The following MEGF6 variants were observed in gnomAD, a reference collection of about 807,000 sequenced individuals.
The protein encoded by MEGF6 is multiple EGF like domains 6, also known as multiple epidermal growth factor-like domains protein 6.
A neutral mutation model predicts 207.1 loss-of-function variants in MEGF6; 184 were observed. The ratio of observed to expected loss-of-function variants is 0.89; its 90% CI spans 0.79 to 1.00. The LOEUF is 1.00. MEGF6 is among the 50% of genes least tolerant of loss of function. The pLI is 0.00. For missense variants in MEGF6, 2,282 were observed against 2,202.9 expected (o/e 1.04, Z -0.72); for synonymous variants, 1,038 against 910.0 (o/e 1.14, Z -2.53).
chr1:3,599,170 G>A (rs545645730), intron 2 of MEGF6, among the ~76,000 whole-genome samples: 3 of 152,368 alleles, frequency 2.0e-5, no homozygotes, highest in African/African-American at 7.2e-5. Flanking sequence ...CCAGCCTGGG[G>A]AGGGGGCTCA....
rs985355205 is a variant in MEGF6 at position 3,556,606 on chromosome 1, G to A, written c.481+23219C>T. ...CTGCAAATGAGAGGACAGAGGACCC[G>A]GTGACTGCCTGAGGCCGGGACACAC... On this transcript the variant is annotated intron_variant, in intron 4 of 36. Transcript: ENST00000356575. This position sits in a 1 kb window ranked among gnomAD's most constrained non-coding sequence, Gnocchi z 4.4. Among the ~76,000 whole-genome samples, 20 of 152,120 alleles carry A rather than the reference G, an allele frequency of 1.3e-4. No individual in the cohort carries two copies. The highest frequency in any genetic ancestry group is 9.8e-4 in the Admixed American group (15 of 15,282).
At chr1:3,607,849 G>A (rs1644273360) in intron 1 of MEGF6, among the ~76,000 whole-genome samples, 1 of 152,228 alleles carries the variant, frequency 6.6e-6, no homozygotes, top group South Asian at 2.1e-4. Context: ...GGCTCCACGG[G>A]CAAGAGATGG....
chr1:3,523,465 C>T (rs191704897), intron 5 of MEGF6, among the ~76,000 whole-genome samples: 6,039 of 152,200 alleles, frequency 0.04, 192 homozygotes, highest in East Asian at 0.1. Context: ...TCCGTGTCCG[C>T]GACACCTCCT....
intron 14 of MEGF6, 133 bp from the exon 15 acceptor site, chr1:3,506,369 G>A (rs1641119503): frequency 3.4e-6 from 4 of 1,162,550 alleles, no homozygotes; most frequent in South Asian, 1.6e-5. Context: ...AGGGCACTAG[G>A]TGAGCCTTCC....
Position 3,505,439 on chromosome 1 carries a change from C to A in MEGF6, c.2036G>T (p.Gly679Val). 6.2e-7 allele frequency: 1 copy of A among 1,611,168 alleles called. No individual in the cohort carries two copies. The highest frequency in any genetic ancestry group is 1.7e-5 in the Admixed American group (1 of 59,874). ...GSCSCKAGFR[G>V]ERCQAECELG... ...GGACTCACCTGCCTGACAGCGCTCG[C>A]CCCGGAAGCCAGCCTTGCAGGAGCA... The change falls in exon 16 of 37, where the codon GGC becomes GTC. Residue 679 changes from glycine (G) to valine (V), a missense_variant. Physicochemically the swap from Gly to Val is moderately radical, Grantham distance 109. Transcript: ENST00000356575.
intron 7 of MEGF6, among the ~76,000 whole-genome samples, chr1:3,513,087 T>G (rs1641411789): frequency 6.6e-6 from 1 of 152,216 alleles, no homozygotes; most frequent in African/African-American, 2.4e-5. Flanking sequence ...GCAAGCACAT[T>G]CACAAACAGC....
rs372359334 is a variant in MEGF6, at chr1:3,505,198, G to A, written c.2188+10C>T. 4.2e-5 allele frequency: 67 copies of A among 1,610,566 alleles called. No individual in the cohort carries two copies. The highest frequency in any genetic ancestry group is 1.3e-4 in the Admixed American group (8 of 59,940). The stretch of plus-strand genomic sequence containing the variant: ...GAGACTGCCGGGAGCCCCAGGGGCC[G>A]GCCACTCACCTTGGCCACAGTCCTC... On this transcript the variant is annotated intron_variant, in intron 17 of 36. Transcript: ENST00000356575.
At chr1:3,503,738 G>A (rs1459401958) in intron 17 of MEGF6, among the ~76,000 whole-genome samples, 1 of 151,538 alleles carries the variant, frequency 6.6e-6, no homozygotes, top group Non-Finnish European at 1.5e-5. Flanking sequence ...GCATGTATGT[G>A]TGTACACGTT....
At chr1:3,525,745 G>A (rs568654508) in intron 4 of MEGF6, among the ~76,000 whole-genome samples, 4 of 152,346 alleles carry the variant, frequency 2.6e-5, no homozygotes, top group South Asian at 2.1e-4. Flanking sequence ...TGCCAGGGCT[G>A]GAGACCCAGG....
At chr1:3,506,269 T>G (rs750379666) in intron 14 of MEGF6, 33 bp from the exon 15 acceptor site, 1 of 1,601,034 alleles carries the variant, frequency 6.2e-7, no homozygotes, top group Non-Finnish European at 8.5e-7. Context: ...TGAACCTTGG[T>G]GGCAGCCAGC....
In MEGF6 at chr1:3,501,262, T is replaced by C. The variant is rs758699665; in HGVS notation, c.2361A>G (p.Pro787=). Residue 787 remains proline (P), a synonymous_variant, in exon 19 of 37, where the codon CCA becomes CCG. Coordinates refer to ENST00000356575, the MANE Select transcript of MEGF6 (RefSeq NM_001409.4). Reference sequence around the variant, plus strand: ...CGCAGCGGGCAGCGTGCTGGCATGCTGGGCAGATCTCCTGGCAGCCCAGCC... The same window carrying C: ...CGCAGCGGGCAGCGTGCTGGCATGCCGGGCAGATCTCCTGGCAGCCCAGCC... The part of the protein sequence containing the change: ...RWGLGCQEIC[P]ACQHAARCDP... The C allele has an allele frequency of 6.8e-6, 11 of 1,608,386 alleles. No homozygotes were observed. Among genetic ancestry groups the C allele is most frequent in the African/African-American group, 1.3e-5 (1 of 74,790 alleles).
chr1:3,557,199 T>C (rs1222922346), intron 4 of MEGF6, among the ~76,000 whole-genome samples: 7 of 152,196 alleles, frequency 4.6e-5, no homozygotes. Context: ...TGACAAGACC[T>C]TGGCGTAAGC....
In MEGF6 at chr1:3,505,296, G is replaced by A. The variant is rs1194531358; in HGVS notation, c.2100C>T (p.Thr700=). The A allele has an allele frequency of 6.2e-7, 1 of 1,612,284 alleles. No individual in the cohort carries two copies. The highest frequency in any genetic ancestry group is 1.1e-5 in the South Asian group (1 of 91,064). Reference sequence around the variant, plus strand: ...AGTCACAGGCCACGCCCACTGGGCAGGTGCATGCCTGCCAGCACCCCGGCC... The same window carrying A: ...AGTCACAGGCCACGCCCACTGGGCAAGTGCATGCCTGCCAGCACCCCGGCC... ...YFGPGCWQAC[T]CPVGVACDSV... The change falls in exon 17 of 37, where the codon ACC becomes ACT. Residue 700 remains threonine, a synonymous_variant. Transcript: ENST00000356575.
At chr1:3,601,701 GT>G (rs1644161836) in intron 2 of MEGF6, among the ~76,000 whole-genome samples, 1 of 152,202 alleles carries the variant, frequency 6.6e-6, no homozygotes, top group Non-Finnish European at 1.5e-5. Context: ...TTGCTTAACG[GT>G]TTTTTTCTCC....
Position 3,571,873 on chromosome 1 carries a change from G to A in MEGF6, c.481+7952C>T, listed in dbSNP as rs3001108. 3.1e-3 allele frequency among the ~76,000 whole-genome samples: 436 copies of A among 139,404 alleles called. 1 individual carries two copies. Among genetic ancestry groups the A allele is most frequent in the African/African-American group, 0.011 (409 of 37,710 alleles). The allele number at this position is 139,404 out of a possible 152,430, so 91.5% of individuals were successfully genotyped here. A position where few individuals can be genotyped will look rare whatever the true frequency, so the allele number is the denominator to read the frequency against. On this transcript the variant is annotated intron_variant, in intron 4 of 36. Transcript: ENST00000356575. ...TGTGCTGGGTCCTCCTGGGTGTCCT[G>A]GGTCCTGCCAGGTGTGCTGGGTCCT...
chr1:3,602,023 A>AG (rs35866629), intron 2 of MEGF6, among the ~76,000 whole-genome samples: 1 of 152,296 alleles, frequency 6.6e-6, no homozygotes, highest in East Asian at 1.9e-4. Flanking sequence ...AGTCTATAAA[A>AG]GGGGGAGAGG....
Position 3,556,436 on chromosome 1 carries a change from G to A in MEGF6, c.481+23389C>T, listed in dbSNP as rs923288143. 9.2e-5 allele frequency among the ~76,000 whole-genome samples: 14 copies of A among 152,188 alleles called. No homozygotes were observed. The highest frequency in any genetic ancestry group is 1.9e-4 in the East Asian group (1 of 5,194). ...CCAAATTGGCCCGGGACCTCCTCAC[G>A]GAGCCACAGCCAGCAGGGGTAGGAG... On this transcript the variant is annotated intron_variant, in intron 4 of 36. Coordinates refer to ENST00000356575, the MANE Select transcript of MEGF6 (RefSeq NM_001409.4). This position sits in a 1 kb window ranked among gnomAD's most constrained non-coding sequence, Gnocchi z 4.4.
chr1:3,509,757 A>C, intron 11 of MEGF6, 113 bp downstream of exon 11: 2 of 1,368,258 alleles, frequency 1.5e-6, no homozygotes, highest in East Asian at 2.7e-5. Flanking sequence ...GCCAGGGGGC[A>C]AAGGACCCCA....
chr1:3,577,275 C>A (rs1047897830), intron 4 of MEGF6, among the ~76,000 whole-genome samples: 2 of 152,208 alleles, frequency 1.3e-5, no homozygotes, highest in African/African-American at 4.8e-5. Flanking sequence ...GGGCCACAAG[C>A]CAGCCACAGG....
Sources: allele counts gnomAD v4.1 joint callset (sites outside exome capture counted in the v4.1 genomes callset), GRCh38; gene constraint gnomAD v4.1.1; non-coding constraint Gnocchi (gnomAD v3.1); transcripts MANE v1.5; gene names NCBI Gene and HGNC (gene_info 2026-07-23, HGNC 2026-07-21).